SFI1: variants seen among roughly 807,000 people sequenced by gnomAD.
The protein encoded by SFI1 is SFI1 centrin binding protein, also known as protein SFI1 homolog.
Under a neutral mutation model 207.5 loss-of-function variants are expected in SFI1, and 195 were observed. The ratio of observed to expected loss-of-function variants is 0.94; its 90% CI spans 0.84 to 1.06. The LOEUF is 1.06. Among genes scored for constraint, SFI1 ranks in the 50% least tolerant of loss-of-function variants. SFI1 has a pLI of 0.00. For synonymous variants in SFI1, 630 were observed against 598.9 expected (o/e 1.05, Z -0.76); for missense variants, 1,634 against 1,588.0 (o/e 1.03, Z -0.49).
At chr22:31,496,921 C>T (rs1002301953) in intron 1 of SFI1, among the ~76,000 whole-genome samples, 13 of 152,246 alleles carry the variant, frequency 8.5e-5, no homozygotes, top group Admixed American at 2.6e-4. Flanking sequence ...CGCATCCTCC[C>T]AGGCGTCTAG....
rs1603388573 is a variant in SFI1, at chr22:31,618,411, T to C, written c.3722T>C (p.Leu1241Pro). 6.3e-7 allele frequency: 1 copy of C among 1,577,394 alleles called. No individual in the cohort carries two copies. The highest frequency in any genetic ancestry group is 8.6e-7 in the Non-Finnish European group (1 of 1,157,552). Reference sequence around the variant, plus strand: ...CGCATCCAGGCCCTGCGGCAGGCCCTGTGCTAGCGTGTTCGCACCAGGAAC... The same window carrying C: ...CGCATCCAGGCCCTGCGGCAGGCCCCGTGCTAGCGTGTTCGCACCAGGAAC... ...VARIQALRQA[L>P]C The change falls in exon 33 of 33, where the codon CTG becomes CCG. Residue 1241 changes from leucine (L) to proline (P), a missense_variant. Leu to Pro is a moderately conservative substitution (Grantham distance 98, BLOSUM62 -3). Transcript: ENST00000400288.
At chr22:31,546,835 T>C (rs200722396) in intron 4 of SFI1, 26 bp from the exon 5 acceptor site, 2 of 1,425,874 alleles carry the variant, frequency 1.4e-6, no homozygotes, top group Non-Finnish European at 2.0e-6. Context: ...TCATCATATA[T>C]ATATATGATT....
chr22:31,504,487 C>T (rs543455997), intron 1 of SFI1, among the ~76,000 whole-genome samples: 2 of 152,212 alleles, frequency 1.3e-5, no homozygotes, highest in African/African-American at 2.4e-5. Context: ...AATGCATCAC[C>T]GTTACTCAAC....
chr22:31,527,856 G>A (rs2058082920), intron 2 of SFI1, among the ~76,000 whole-genome samples: 1 of 152,138 alleles, frequency 6.6e-6, no homozygotes. Flanking sequence ...GCTCAAGCCT[G>A]TAATCCCAGC....
chr22:31,604,135 C>G (rs2068564360), intron 18 of SFI1, among the ~76,000 whole-genome samples, 174 bp from the exon 19 acceptor site: 1 of 152,216 alleles, frequency 6.6e-6, no homozygotes, highest in African/African-American at 2.4e-5. Context: ...TACCGCAAAT[C>G]AAGCACTTAC....
chr22:31,603,898 C>T, intron 18 of SFI1, 79 bp downstream of exon 18: 6 of 1,309,024 alleles, frequency 4.6e-6, no homozygotes, highest in Non-Finnish European at 6.3e-6. Context: ...TCACAGGCAA[C>T]ATATGGGCCA....
chr22:31,508,583 C>T (rs1256892437), intron 2 of SFI1, among the ~76,000 whole-genome samples: 1 of 152,086 alleles, frequency 6.6e-6, no homozygotes, highest in Non-Finnish European at 1.5e-5. Context: ...CTGAGTAGTG[C>T]ATGGAAATAT....
chr22:31,601,119 TTTTC>T (rs1316430547), intron 15 of SFI1, among the ~76,000 whole-genome samples: 3 of 142,384 alleles, frequency 2.1e-5, no homozygotes, highest in African/African-American at 5.1e-5. Context: ...ACCTTTTTAC[TTTTC>T]TTTACTTTTT....
At chr22:31,520,540 A>T (rs547026939) in intron 2 of SFI1, among the ~76,000 whole-genome samples, 2 of 152,192 alleles carry the variant, frequency 1.3e-5, no homozygotes, top group Admixed American at 6.5e-5. Context: ...TCTAATACTC[A>T]CGGAGGGTTG....
At chr22:31,502,269 T>C (rs946109691) in intron 1 of SFI1, among the ~76,000 whole-genome samples, 1 of 152,194 alleles carries the variant, frequency 6.6e-6, no homozygotes, top group Non-Finnish European at 1.5e-5. Context: ...TTGGTCTCCT[T>C]ATACATCATT....
Position 31,613,675 on chromosome 22 carries a change from G to A in SFI1, c.2816G>A (p.Gly939Glu), listed in dbSNP as rs2070802786. 1 of 1,609,754 alleles carries A rather than the reference G, an allele frequency of 6.2e-7. No individual in the cohort carries two copies. The highest frequency in any genetic ancestry group is 2.2e-5 in the East Asian group (1 of 44,826). The change falls in exon 27 of 33, where the codon GGG becomes GAG. Residue 939 changes from glycine (G) to glutamate (E), a missense_variant. Transcript: ENST00000400288. ...LWKQKVLGRG[G>E]KPQPLAAIAP... ...AAACAGAAAGTGCTGGGCCGGGGCGGGAAGCCTCAGCCCCTGGCAGCCATC... is the reference window on the plus strand; with the variant it reads ...AAACAGAAAGTGCTGGGCCGGGGCGAGAAGCCTCAGCCCCTGGCAGCCATC...
chr22:31,607,013 G>A (rs1032089708), intron 21 of SFI1, among the ~76,000 whole-genome samples: 1 of 151,560 alleles, frequency 6.6e-6, no homozygotes, highest in African/African-American at 2.4e-5. Flanking sequence ...GCAGTGAGCC[G>A]AATTGCACCA....
intron 4 of SFI1, among the ~76,000 whole-genome samples, chr22:31,538,987 C>T (rs538986824): frequency 6.6e-6 from 1 of 152,268 alleles, no homozygotes; most frequent in Non-Finnish European, 1.5e-5. Context: ...AAACTGAAAT[C>T]GTCATCCTCC....
At chr22:31,539,918 G>A (rs1164983172) in intron 4 of SFI1, among the ~76,000 whole-genome samples, 2 of 151,968 alleles carry the variant, frequency 1.3e-5, no homozygotes, top group African/African-American at 4.8e-5. Flanking sequence ...GTTTCACCAC[G>A]TTGGTCAGGC....
At position 31,513,136 on chromosome 22, in the gene SFI1, C is replaced by T. The variant is rs574499894; in HGVS notation, c.92+4760C>T. ...AAAATGATGAAATCAAGCTGTTTAACTTATCTGTCACCTCAAGTATTTGAC... is the reference window on the plus strand; with the variant it reads ...AAAATGATGAAATCAAGCTGTTTAATTTATCTGTCACCTCAAGTATTTGAC... On this transcript the variant is annotated intron_variant, in intron 2 of 32. Coordinates refer to ENST00000400288, the MANE Select transcript of SFI1 (RefSeq NM_001007467.3). Among the ~76,000 whole-genome samples, 4 of 152,120 alleles carry T rather than the reference C, an allele frequency of 2.6e-5. 1 individual carries two copies. The South Asian group carries it at 8.3e-4, about 32-fold the overall frequency.
chr22:31,613,901 A>G, intron 27 of SFI1, 46 bp downstream of exon 27: 1 of 1,538,110 alleles, frequency 6.5e-7, no homozygotes, highest in Non-Finnish European at 8.7e-7. Flanking sequence ...CCCTGGGCAA[A>G]AGGTTGGATG....
intron 2 of SFI1, among the ~76,000 whole-genome samples, chr22:31,515,881 T>A (rs1411423030): frequency 2.0e-5 from 3 of 151,752 alleles, no homozygotes; most frequent in African/African-American, 4.8e-5. Flanking sequence ...GGAACTACAG[T>A]CACGCACCAC....
At chr22:31,577,222 A>C (rs1450267115) in intron 10 of SFI1, among the ~76,000 whole-genome samples, 1 of 152,142 alleles carries the variant, frequency 6.6e-6, no homozygotes, top group Non-Finnish European at 1.5e-5. Context: ...TCAGCCAAGG[A>C]GGTAATGTTT....
chr22:31,523,249 T>C (rs1366508032), intron 2 of SFI1, among the ~76,000 whole-genome samples: 5 of 152,220 alleles, frequency 3.3e-5, no homozygotes, highest in Non-Finnish European at 7.3e-5. Flanking sequence ...AATGATATTT[T>C]CTTTTTATAA....
Sources: gnomAD v4.1 joint callset for allele counts (sites outside exome capture counted in the v4.1 genomes callset) on GRCh38, gnomAD v4.1.1 for gene constraint, MANE v1.5 for transcripts, NCBI Gene and HGNC (gene_info 2026-07-23, HGNC 2026-07-21) for gene names.